SLC17A1: variants seen among roughly 807,000 people sequenced by gnomAD.
SLC17A1 encodes the protein sodium-dependent phosphate transport protein 1.
Under a neutral mutation model 53.5 loss-of-function variants are expected in SLC17A1, and 51 were observed. The observed-to-expected ratio is 0.95, with a 90% confidence interval of 0.76 to 1.20. The LOEUF (loss-of-function observed/expected upper bound fraction) is 1.20. SLC17A1 is among the 50% of genes most tolerant of loss of function. The pLI is 0.00. For missense variants in SLC17A1, 538 were observed against 568.2 expected (o/e 0.95, Z 0.54); for synonymous variants, 179 against 198.8 (o/e 0.90, Z 0.84).
chr6:25,755,198 C>T, the SLC17A1 span, among the ~76,000 whole-genome samples: 1 of 151,858 alleles, frequency 6.6e-6, no homozygotes, highest in African/African-American at 2.4e-5. Context: ...ACAATAAATG[C>T]CAATACTGAA....
At chr6:25,778,772 C>T (rs116042783), downstream of SLC17A1, among the ~76,000 whole-genome samples, 910 of 152,250 alleles carry the variant, frequency 6.0e-3, 7 homozygotes, top group Non-Finnish European at 0.011. Flanking sequence ...AAGGACTCAC[C>T]GTAATCACTT....
At chr6:25,726,663 G>T in the SLC17A1 span, 1 of 1,218,896 alleles carries the variant, frequency 8.2e-7, no homozygotes, top group Non-Finnish European at 1.2e-6. Flanking sequence ...AGTCGTACTA[G>T]AATCGCCTCA....
At chr6:25,725,774 T>C in the SLC17A1 span, among the ~76,000 whole-genome samples, 1 of 152,114 alleles carries the variant, frequency 6.6e-6, no homozygotes, top group East Asian at 1.9e-4. Context: ...CTAGTTTCTG[T>C]GGGGACAGGG....
At chr6:25,830,650 GCAACTGACCAAA>G (rs921247462) in intron 1 of SLC17A1, 43 bp from the exon 2 acceptor site, 2 of 1,388,382 alleles carry the variant, frequency 1.4e-6, no homozygotes, top group Non-Finnish European at 1.0e-6. Context: ...ATGTAGAGAG[GCAACTGACCAAA>G]CACTACCCAG....
intron 10 of SLC17A1, among the ~76,000 whole-genome samples, chr6:25,804,266 G>A (rs1763882948): frequency 6.6e-6 from 1 of 152,078 alleles, no homozygotes; most frequent in Non-Finnish European, 1.5e-5. Flanking sequence ...ACAACTGTCA[G>A]CCAAGAATTT....
chr6:25,748,960 G>A, the SLC17A1 span, among the ~76,000 whole-genome samples: 1 of 152,148 alleles, frequency 6.6e-6, no homozygotes, highest in Non-Finnish European at 1.5e-5. Flanking sequence ...GTTTTGTACC[G>A]AGACATTCCA....
intron 12 of SLC17A1, among the ~76,000 whole-genome samples, chr6:25,789,481 T>C (rs1443860635): frequency 6.6e-6 from 1 of 152,160 alleles, no homozygotes; most frequent in Non-Finnish European, 1.5e-5. Flanking sequence ...ACAAACTACC[T>C]GTTGATTTCA....
At chr6:25,799,061 C>A in intron 11 of SLC17A1, 142 bp from the exon 12 acceptor site, 1 of 621,758 alleles carries the variant, frequency 1.6e-6, no homozygotes, top group South Asian at 4.0e-5. Flanking sequence ...CCGAAAACGT[C>A]ATCATTTTAC....
At chr6:25,792,424 TC>T (rs1362768364) in intron 12 of SLC17A1, among the ~76,000 whole-genome samples, 1 of 152,194 alleles carries the variant, frequency 6.6e-6, no homozygotes, top group African/African-American at 2.4e-5. Context: ...GGTTAGGAGT[TC>T]CAGACCAGTC....
chr6:25,798,898 T>C lies in SLC17A1; in HGVS notation c.1291A>G (p.Lys431Glu). The change falls in exon 12 of 13, where the codon AAA becomes GAA. Residue 431 changes from lysine to glutamate, a missense_variant. Transcript: ENST00000244527. ...LKQDPESAWF[K>E]TFILMAAINV... Reference sequence around the variant, plus strand: ...ATGGCTGCCATCAGGATGAAGGTTTTAAACCAGGCGGATTCCGGATCCTAA... The same window carrying C: ...ATGGCTGCCATCAGGATGAAGGTTTCAAACCAGGCGGATTCCGGATCCTAA... 1 of 1,596,310 alleles carries C rather than the reference T, an allele frequency of 6.3e-7. No individual in the cohort carries two copies. Among genetic ancestry groups the C allele is most frequent in the Non-Finnish European group, 8.6e-7 (1 of 1,167,318 alleles).
the SLC17A1 span, among the ~76,000 whole-genome samples, chr6:25,769,736 A>G: frequency 6.6e-6 from 1 of 152,126 alleles, no homozygotes; most frequent in Non-Finnish European, 1.5e-5. Flanking sequence ...GAAAATCACT[A>G]CAAAATATGT....
chr6:25,798,656 C>G (rs1763659695), intron 12 of SLC17A1, 127 bp downstream of exon 12: 1 of 785,640 alleles, frequency 1.3e-6, no homozygotes, highest in Non-Finnish European at 1.9e-6. Context: ...TATTCTCAGG[C>G]TTAACATGGT....
At chr6:25,737,360 G>A in the SLC17A1 span, among the ~76,000 whole-genome samples, 2 of 152,022 alleles carry the variant, frequency 1.3e-5, no homozygotes, top group Non-Finnish European at 2.9e-5. Context: ...GCTTCAGGAA[G>A]GCCATTTTCC....
the SLC17A1 span, chr6:25,770,161 T>C: frequency 4.3e-6 from 7 of 1,614,126 alleles, no homozygotes; most frequent in Non-Finnish European, 5.9e-6. Flanking sequence ...AGTGGCTATG[T>C]GGCTGGAATA....
the SLC17A1 span, chr6:25,777,657 A>C: frequency 3.0e-6 from 1 of 330,192 alleles, no homozygotes; most frequent in African/African-American, 2.1e-5. Context: ...TCTTGCATAA[A>C]CAATGTTGAC....
the SLC17A1 span, among the ~76,000 whole-genome samples, chr6:25,727,476 C>T: frequency 1.2e-3 from 183 of 151,200 alleles, 1 homozygote; most frequent in African/African-American, 4.1e-3. Context: ...ACTGCAAGCT[C>T]TGCCTCCTGA....
chr6:25,770,267 C>T, the SLC17A1 span: 4 of 1,613,994 alleles, frequency 2.5e-6, no homozygotes, highest in Non-Finnish European at 2.5e-6. Flanking sequence ...TGGCCTTGCT[C>T]ATTGTCCTCC....
chr6:25,730,483 A>G, the SLC17A1 span, among the ~76,000 whole-genome samples: 2 of 152,202 alleles, frequency 1.3e-5, no homozygotes, highest in Non-Finnish European at 2.9e-5. Context: ...AGTGGTGGTT[A>G]CCAGTGGCTA....
At chr6:25,773,189 C>T in the SLC17A1 span, 2 of 1,044,876 alleles carry the variant, frequency 1.9e-6, no homozygotes, top group Admixed American at 1.7e-5. Context: ...AGGCCAGTCA[C>T]TCTGTCAACC....
Sources: allele counts gnomAD v4.1 joint callset (sites outside exome capture counted in the v4.1 genomes callset), GRCh38; gene constraint gnomAD v4.1.1; transcripts MANE v1.5; gene names NCBI Gene and HGNC (gene_info 2026-07-23, HGNC 2026-07-21).